CNTNAP2: variants seen among roughly 807,000 people sequenced by gnomAD.
CNTNAP2 encodes the protein contactin-associated protein-like 2.
In CNTNAP2, 98 loss-of-function variants were observed where a neutral mutation model predicts 155.2. The observed-to-expected ratio is 0.63, with a 90% CI of 0.54 to 0.75. The LOEUF is 0.75. Ranked by LOEUF, CNTNAP2 falls within the 30% of genes least tolerant of loss-of-function variation. The pLI is 0.00. For missense variants in CNTNAP2, 1,727 were observed against 1,688.1 expected, an observed-to-expected ratio of 1.02 and a Z score of -0.40; for synonymous variants, 651 against 631.2, an observed-to-expected ratio of 1.03 and a Z score of -0.47.
intron 2 of CNTNAP2, among the ~76,000 whole-genome samples, chr7:146,775,824 GA>G (rs1357850277): frequency 6.6e-6 from 1 of 152,050 alleles, no homozygotes; most frequent in Non-Finnish European, 1.5e-5. Flanking sequence ...GATCTATGAA[GA>G]GGTCTCAGTC....
Position 146,583,426 on chromosome 7 carries a change from G to A in CNTNAP2, c.98-190845G>A, listed in dbSNP as rs544842008. 2.0e-5 allele frequency among the ~76,000 whole-genome samples: 3 copies of A among 152,198 alleles called. No individual in the cohort carries two copies. In the South Asian group the frequency reaches 6.2e-4, roughly 32 times the overall value. ...CTGAGATGTCTGTGGGTTGAGGAGG[G>A]AATGAAGTTGAGCATGAGAATCTGA... On this transcript the variant is annotated intron_variant, in intron 1 of 23. Coordinates refer to ENST00000361727, the MANE Select transcript of CNTNAP2 (RefSeq NM_014141.6).
intron 20 of CNTNAP2, among the ~76,000 whole-genome samples, chr7:148,237,803 T>C (rs1053589214): frequency 4.6e-5 from 7 of 152,228 alleles, no homozygotes; most frequent in African/African-American, 1.4e-4. Context: ...ACGTGAAACA[T>C]TGGTGGCCGG....
intron 16 of CNTNAP2, among the ~76,000 whole-genome samples, chr7:148,141,045 C>T (rs752632681): frequency 3.3e-5 from 5 of 152,232 alleles, no homozygotes; most frequent in Non-Finnish European, 7.3e-5. Context: ...TCAGAATCAC[C>T]TGGCATTAAC....
At chr7:146,971,624 G>T in intron 3 of CNTNAP2, among the ~76,000 whole-genome samples, 1 of 152,052 alleles carries the variant, frequency 6.6e-6, no homozygotes, top group East Asian at 1.9e-4. Context: ...TCTAGGGAGG[G>T]TCCTCTGGTG....
intron 3 of CNTNAP2, among the ~76,000 whole-genome samples, chr7:146,947,853 C>A (rs545164533): frequency 5.3e-5 from 8 of 151,960 alleles, no homozygotes; most frequent in African/African-American, 1.7e-4. Flanking sequence ...CTACAGCGAG[C>A]TATAATGGTG....
intron 5 of CNTNAP2, among the ~76,000 whole-genome samples, chr7:147,116,871 T>G (rs1801002355): frequency 6.6e-6 from 1 of 152,036 alleles, no homozygotes; most frequent in Admixed American, 6.5e-5. Context: ...TGTGTTACGC[T>G]GCTGGGGAAA....
intron 1 of CNTNAP2, among the ~76,000 whole-genome samples, chr7:146,609,873 G>T (rs2129153769): frequency 6.6e-6 from 1 of 152,248 alleles, no homozygotes; most frequent in Non-Finnish European, 1.5e-5. Flanking sequence ...CAGACCAGTG[G>T]TTCACAAAGC....
chr7:148,087,537 C>T (rs922118877), intron 15 of CNTNAP2, among the ~76,000 whole-genome samples: 5 of 152,264 alleles, frequency 3.3e-5, no homozygotes, highest in Admixed American at 2.6e-4. Flanking sequence ...CTTTCTCCCT[C>T]TCTCTCATCA....
At chr7:148,353,979 C>T (rs986225765) in intron 21 of CNTNAP2, among the ~76,000 whole-genome samples, 10 of 152,164 alleles carry the variant, frequency 6.6e-5, no homozygotes, top group African/African-American at 1.2e-4. Flanking sequence ...TATCATCGAA[C>T]GTTTCCTATA....
intron 4 of CNTNAP2, among the ~76,000 whole-genome samples, chr7:147,060,074 A>C (rs1337382545): frequency 6.6e-6 from 1 of 152,206 alleles, no homozygotes; most frequent in African/African-American, 2.4e-5. Context: ...AATGAAGGAC[A>C]AAATAATTTT....
intron 1 of CNTNAP2, among the ~76,000 whole-genome samples, chr7:146,511,442 T>A (rs1291818290): frequency 6.6e-6 from 1 of 152,220 alleles, no homozygotes; most frequent in Non-Finnish European, 1.5e-5. Context: ...TAAGGCTTTA[T>A]TGTTTTGAAG....
At chr7:147,831,638 C>T (rs1239557620) in intron 13 of CNTNAP2, 4 of 151,982 alleles carry the variant, frequency 2.6e-5, no homozygotes, top group African/African-American at 7.3e-5. Flanking sequence ...ATGGGTGAGA[C>T]AATGTATTAT....
intron 2 of CNTNAP2, among the ~76,000 whole-genome samples, chr7:146,802,188 G>C (rs1016691264): frequency 6.6e-6 from 1 of 152,174 alleles, no homozygotes; most frequent in South Asian, 2.1e-4. Context: ...TCATGAGGTG[G>C]AAGTGGATGT....
At chr7:146,479,284 C>G (rs1274514026) in intron 1 of CNTNAP2, among the ~76,000 whole-genome samples, 1 of 152,152 alleles carries the variant, frequency 6.6e-6, no homozygotes, top group Non-Finnish European at 1.5e-5. Context: ...GATGAGTTAT[C>G]TATGAATTGT....
intron 13 of CNTNAP2, among the ~76,000 whole-genome samples, chr7:147,902,396 CT>C (rs1024241975): frequency 6.8e-5 from 9 of 132,828 alleles, no homozygotes; most frequent in Non-Finnish European, 1.3e-4. Flanking sequence ...GAATTAAAAG[CT>C]TTTTTAAAAA....
At chr7:146,948,058 A>C (rs1797228719) in intron 3 of CNTNAP2, among the ~76,000 whole-genome samples, 1 of 152,190 alleles carries the variant, frequency 6.6e-6, no homozygotes, top group South Asian at 2.1e-4. Flanking sequence ...TATTTTGTCA[A>C]ATGAGCAAAA....
intron 10 of CNTNAP2, among the ~76,000 whole-genome samples, chr7:147,453,426 C>T (rs542359128): frequency 1.3e-5 from 2 of 152,146 alleles, no homozygotes; most frequent in Non-Finnish European, 2.9e-5. Flanking sequence ...CTCCCCATTA[C>T]GGTGTGATCT....
At chr7:147,240,377 A>T (rs1803908780) in intron 8 of CNTNAP2, among the ~76,000 whole-genome samples, 5 of 152,208 alleles carry the variant, frequency 3.3e-5, no homozygotes, top group Admixed American at 2.0e-4. Context: ...GCAATGAGCA[A>T]ATACAGGTAA....
At chr7:147,057,160 G>T (rs79837819) in intron 4 of CNTNAP2, among the ~76,000 whole-genome samples, 1,758 of 152,172 alleles carry the variant, frequency 0.012, 30 homozygotes, top group African/African-American at 0.04. Context: ...TTAAGATCTT[G>T]CTGTAAAATA....
Sources: gnomAD v4.1 joint callset for allele counts (sites outside exome capture counted in the v4.1 genomes callset) on GRCh38, gnomAD v4.1.1 for gene constraint, MANE v1.5 for transcripts, NCBI Gene and HGNC (gene_info 2026-07-23, HGNC 2026-07-21) for gene names.